RBM33: variants seen among roughly 807,000 people sequenced by gnomAD.
RBM33 encodes RNA binding motif protein 33.
A neutral mutation model predicts 132.6 loss-of-function variants in RBM33; 28 were observed. That is an observed-to-expected ratio of 0.21 (90% CI 0.16 to 0.29). The LOEUF is 0.29. RBM33 is among the 10% of genes least tolerant of loss of function. The pLI is 1.00. For synonymous variants in RBM33, 634 were observed against 593.0 expected, an observed-to-expected ratio of 1.07 and a Z score of -1.01; for missense variants, 1,291 against 1,518.5, an observed-to-expected ratio of 0.85 and a Z score of 2.49.
intron 14 of RBM33, among the ~76,000 whole-genome samples, chr7:155,755,915 T>C (rs1292857798): frequency 6.6e-6 from 1 of 152,186 alleles, no homozygotes; most frequent in Non-Finnish European, 1.5e-5. Flanking sequence ...AAAAAACTAG[T>C]CTAAAAAGCG....
At chr7:155,698,933 G>T (rs1384171490) in intron 5 of RBM33, among the ~76,000 whole-genome samples, 4 of 152,172 alleles carry the variant, frequency 2.6e-5, no homozygotes, top group Non-Finnish European at 5.9e-5. Flanking sequence ...GTTTCCAGTT[G>T]TAGTGATCCT....
chr7:155,661,296 A>G (rs1368007930), intron 1 of RBM33, among the ~76,000 whole-genome samples: 2 of 149,358 alleles, frequency 1.3e-5, no homozygotes, highest in Non-Finnish European at 3.0e-5. Flanking sequence ...GCATTACCAC[A>G]CCCACCTAAT....
rs1393334132 is a variant in RBM33, at chr7:155,700,722, AAAG to A, written c.568-48_568-46del. The stretch of plus-strand genomic sequence containing the variant: ...TTAGCATTCTTTAATATTTAATTCA[AAAG>A]AATATGAACTTACTGTCCTTTTTTT... On this transcript the variant is annotated intron_variant, in intron 5 of 17. Transcript: ENST00000401878. 1.1e-5 allele frequency: 14 copies of A among 1,298,034 alleles called. No homozygotes were observed. In the African/African-American group the frequency reaches 2.0e-4, roughly 18 times the overall value. The allele number at this position is 1,298,034 out of a possible 1,614,324, so 80.4% of individuals were successfully genotyped here.
chr7:155,667,808 A>G (rs111761438), intron 2 of RBM33, among the ~76,000 whole-genome samples: 4 of 152,118 alleles, frequency 2.6e-5, no homozygotes, highest in Admixed American at 2.6e-4. Context: ...TTAAATAGCT[A>G]TACAGTCTGC....
At chr7:155,656,914 G>A (rs1798507923) in intron 1 of RBM33, among the ~76,000 whole-genome samples, 1 of 150,920 alleles carries the variant, frequency 6.6e-6, no homozygotes, top group South Asian at 2.1e-4. Context: ...AGTTTATTGG[G>A]ATTACTGTTT....
At chr7:155,721,804 G>A (rs958110052) in intron 9 of RBM33, among the ~76,000 whole-genome samples, 31 of 152,110 alleles carry the variant, frequency 2.0e-4, no homozygotes, top group African/African-American at 7.2e-4. Flanking sequence ...GGTATTCTGG[G>A]CTTTGCTTGT....
chr7:155,720,300 G>A (rs1419761701), intron 9 of RBM33, among the ~76,000 whole-genome samples: 1 of 152,186 alleles, frequency 6.6e-6, no homozygotes. Context: ...ATGTTACAGT[G>A]AACTTGGGGT....
chr7:155,768,771 G>A (rs989766383), intron 16 of RBM33, among the ~76,000 whole-genome samples: 1 of 152,106 alleles, frequency 6.6e-6, no homozygotes, highest in Non-Finnish European at 1.5e-5. Context: ...CGCGTGCCAC[G>A]CCTGGCTAAT....
At chr7:155,656,336 C>T (rs1193624684) in intron 1 of RBM33, among the ~76,000 whole-genome samples, 1 of 151,284 alleles carries the variant, frequency 6.6e-6, no homozygotes, top group African/African-American at 2.4e-5. Context: ...GGTTAAAGAT[C>T]CAATAACAGT....
chr7:155,694,124 G>A (rs1030511730), intron 5 of RBM33, among the ~76,000 whole-genome samples: 2 of 152,002 alleles, frequency 1.3e-5, no homozygotes, highest in African/African-American at 4.8e-5. Context: ...GCTCTGTTAA[G>A]GTCTATATTA....
intron 1 of RBM33, among the ~76,000 whole-genome samples, chr7:155,660,056 G>C (rs1431097179): frequency 2.0e-5 from 3 of 152,178 alleles, no homozygotes; most frequent in Admixed American, 6.5e-5. Flanking sequence ...ATCCGAACTT[G>C]ATTATATCTG....
chr7:155,757,893 C>T (rs1050536155), intron 14 of RBM33, among the ~76,000 whole-genome samples: 6 of 108,242 alleles, frequency 5.5e-5, no homozygotes, highest in Admixed American at 2.5e-4. Context: ...GGGTGGGGGG[C>T]GGGGCATGTG....
intron 4 of RBM33, 23 bp from the exon 5 acceptor site, chr7:155,680,567 T>G (rs770118093): frequency 6.7e-7 from 1 of 1,499,240 alleles, no homozygotes; most frequent in Non-Finnish European, 8.9e-7. Flanking sequence ...GGTGCTTTTT[T>G]TTTTTATTTT....
chr7:155,702,702 C>G (rs931533727), intron 6 of RBM33, among the ~76,000 whole-genome samples: 10 of 152,172 alleles, frequency 6.6e-5, no homozygotes, highest in Admixed American at 6.5e-4. Flanking sequence ...AAGGGCAACC[C>G]ACAGCCACCA....
At chr7:155,743,554 A>G (rs1801418782) in intron 13 of RBM33, among the ~76,000 whole-genome samples, 1 of 152,012 alleles carries the variant, frequency 6.6e-6, no homozygotes, top group South Asian at 2.1e-4. Context: ...TTTTCTTTTA[A>G]TTTTCTCTCT....
chr7:155,656,683 A>G (rs1798501541), intron 1 of RBM33, among the ~76,000 whole-genome samples: 1 of 152,238 alleles, frequency 6.6e-6, no homozygotes, highest in South Asian at 2.1e-4. Flanking sequence ...CAGACATTAA[A>G]GAGTTTTGGA....
At position 155,644,742 on chromosome 7, in the gene RBM33, G is replaced by T. The variant is rs1016015254; in HGVS notation, c.-135G>T. On this transcript the variant is annotated 5_prime_UTR_variant, in exon 1 of 18. Coordinates refer to ENST00000401878, the MANE Select transcript of RBM33 (RefSeq NM_053043.3). The stretch of plus-strand genomic sequence containing the variant: ...AAGGGCCAGCTGTGGACCGCGAAGC[G>T]CCCGGCTTCGCCTCTGCCTCCTGCA... 1.5e-6 allele frequency: 1 copy of T among 661,968 alleles called. No individual in the cohort carries two copies. 41.0% of individuals were successfully genotyped at this position (661,968 alleles called of 1,614,324 possible). A position where few individuals can be genotyped will look rare whatever the true frequency, so the allele number is the denominator to read the frequency against.
intron 1 of RBM33, among the ~76,000 whole-genome samples, chr7:155,657,273 T>A (rs1798518338): frequency 6.6e-6 from 1 of 152,172 alleles, no homozygotes; most frequent in Admixed American, 6.5e-5. Flanking sequence ...GCAGTTAAAT[T>A]TCCTTCCGGA....
chr7:155,771,268 C>T (rs1349007885), intron 16 of RBM33, among the ~76,000 whole-genome samples: 1 of 152,202 alleles, frequency 6.6e-6, no homozygotes, highest in Non-Finnish European at 1.5e-5. Flanking sequence ...TAAGCTTTCA[C>T]TGGAAAGTTT....
Sources: allele counts gnomAD v4.1 joint callset (sites outside exome capture counted in the v4.1 genomes callset), GRCh38; gene constraint gnomAD v4.1.1; transcripts MANE v1.5; gene names NCBI Gene and HGNC (gene_info 2026-07-23, HGNC 2026-07-21).